Variants in UPB1 observed in about 807,000 individuals in gnomAD.
UPB1 encodes the protein beta-ureidopropionase 1, also known as beta-ureidopropionase.
UPB1 carries 40 observed loss-of-function variants against 49.1 expected under a neutral mutation model. The ratio of observed to expected loss-of-function variants is 0.81; its 90% confidence interval spans 0.63 to 1.06. The LOEUF is 1.06. Among genes scored for constraint, UPB1 ranks in the 50% least tolerant of loss-of-function variants. The pLI is 0.00. For missense variants in UPB1, 499 were observed against 505.9 expected (o/e 0.99, Z 0.13); for synonymous variants, 207 against 198.2 (o/e 1.04, Z -0.38).
At chr22:24,524,731 C>G (rs76531386) in intron 9 of UPB1, among the ~76,000 whole-genome samples, 6,214 of 152,288 alleles carry the variant, frequency 0.041, 284 homozygotes, top group African/African-American at 0.11. Flanking sequence ...TTCAAGCAAT[C>G]CTCGCACCTC....
In UPB1 at chr22:24,524,679, C is replaced by T. The variant is rs111252053; in HGVS notation, c.1071+906C>T. Among the ~76,000 whole-genome samples the T allele has an allele frequency of 4.9e-4, 75 of 152,154 alleles. 1 individual carries two copies. The highest frequency in any genetic ancestry group is 1.7e-3 in the African/African-American group (69 of 41,506). On this transcript the variant is annotated intron_variant, in intron 9 of 9. Coordinates refer to ENST00000326010, the MANE Select transcript of UPB1 (RefSeq NM_016327.3). ...AATTTTTAAAATTTTTTATAGAGAC[C>T]GAGTCTCACTATGTTGCCCAGGCTG...
Position 24,515,247 on chromosome 22 carries a change from C to T in UPB1, c.668C>T (p.Thr223Met), listed in dbSNP as rs746026530. ...AACCTGGGCCACCCCGTGTTCCAGA[C>T]GCAGTTCGGAAGGATCGCGGTGAAC... ...EGNLGHPVFQ[T>M]QFGRIAVNIC... Residue 223 changes from threonine (T) to methionine (M), a missense_variant, in exon 6 of 10, where the codon ACG becomes ATG. Coordinates refer to ENST00000326010, the MANE Select transcript of UPB1 (RefSeq NM_016327.3). The T allele has an allele frequency of 1.5e-5, 25 of 1,614,182 alleles. 1 individual carries two copies. The highest frequency in any genetic ancestry group is 6.6e-5 in the South Asian group (6 of 91,074).
intron 1 of UPB1, among the ~76,000 whole-genome samples, chr22:24,497,614 G>A (rs921326162): frequency 1.3e-5 from 2 of 152,174 alleles, no homozygotes; most frequent in African/African-American, 4.8e-5. Flanking sequence ...GAGTGGGGAG[G>A]CCTCAGTAGC....
chr22:24,496,392 C>CACACACACACAT (rs1261453043), intron 1 of UPB1, among the ~76,000 whole-genome samples: 1 of 141,162 alleles, frequency 7.1e-6, no homozygotes, highest in African/African-American at 2.8e-5. Context: ...CACACACACA[C>CACACACACACAT]ACACACACAC....
intron 6 of UPB1, among the ~76,000 whole-genome samples, chr22:24,517,033 T>C (rs529019122): frequency 8.0e-4 from 122 of 152,312 alleles, no homozygotes; most frequent in African/African-American, 2.9e-3. Context: ...CAAATTTCAG[T>C]TGAATTTCTT....
At chr22:24,519,794 AG>A (rs1568994557) in intron 6 of UPB1, 2 of 158,382 alleles carry the variant, frequency 1.3e-5, no homozygotes, top group South Asian at 3.6e-4. Flanking sequence ...TTGCCTTGCA[AG>A]GCAGCATAGC....
intron 3 of UPB1, among the ~76,000 whole-genome samples, chr22:24,504,319 G>A (rs1039738767): frequency 7.2e-5 from 11 of 152,184 alleles, no homozygotes; most frequent in Admixed American, 1.3e-4. Flanking sequence ...TTGATAGTTT[G>A]GTTGAGCATC....
At chr22:24,519,633 T>C (rs2044353366) in intron 6 of UPB1, among the ~76,000 whole-genome samples, 1 of 152,168 alleles carries the variant, frequency 6.6e-6, no homozygotes, top group Non-Finnish European at 1.5e-5. Flanking sequence ...GAGCCTTTAC[T>C]TAGAGACTCA....
In UPB1 at chr22:24,524,357, GGAGTCA is replaced by G. The variant is rs988747706; in HGVS notation, c.1071+588_1071+593del. 3.2e-4 allele frequency among the ~76,000 whole-genome samples: 48 copies of G among 152,320 alleles called. No homozygotes were observed. In the Middle Eastern group the frequency reaches 0.01, roughly 32 times the overall value. On this transcript the variant is annotated intron_variant, in intron 9 of 9. Transcript: ENST00000326010. ...TGACACCTAATGCCCTGTGATGTCAGGAGTCAGAGGAATGGAGATGTCTGCCCTCCT... is the reference window on the plus strand; with the variant it reads ...TGACACCTAATGCCCTGTGATGTCAGGAGGAATGGAGATGTCTGCCCTCCT...
chr22:24,512,889 T>C (rs1333568488), intron 4 of UPB1, among the ~76,000 whole-genome samples: 1 of 152,248 alleles, frequency 6.6e-6, no homozygotes, highest in Admixed American at 6.5e-5. Context: ...TGATACTCCA[T>C]TGTATGGATG....
chr22:24,500,456 C>T (rs1388652872), intron 2 of UPB1, among the ~76,000 whole-genome samples, 178 bp downstream of exon 2: 2 of 152,262 alleles, frequency 1.3e-5, no homozygotes, highest in African/African-American at 2.4e-5. Context: ...ATCTCTGGCT[C>T]TTCTGTCTTC....
At chr22:24,510,101 G>A (rs1231774379) in intron 3 of UPB1, among the ~76,000 whole-genome samples, 1 of 151,898 alleles carries the variant, frequency 6.6e-6, no homozygotes, top group South Asian at 2.1e-4. Context: ...GCATGGTGGC[G>A]CATACCTGTA....
In UPB1 at chr22:24,527,736, G is replaced by A. The variant is rs543867292; in HGVS notation, c.*1942G>A. 5.3e-5 allele frequency: 8 copies of A among 151,836 alleles called. No homozygotes were observed. Among genetic ancestry groups the A allele is most frequent in the Non-Finnish European group, 1.2e-4 (8 of 68,016 alleles). 9.4% of individuals were successfully genotyped at this position (151,836 alleles called of 1,614,324 possible). A position where few individuals can be genotyped will look rare whatever the true frequency, so the allele number is the denominator to read the frequency against. Reference sequence around the variant, plus strand: ...TGGAGCTGCCTGGCCACAGCTCTGCGGTAACTTCCTTGAACTCTCTGTGCT... The same window carrying A: ...TGGAGCTGCCTGGCCACAGCTCTGCAGTAACTTCCTTGAACTCTCTGTGCT... On this transcript the variant is annotated 3_prime_UTR_variant, in exon 10 of 10. Transcript: ENST00000326010.
At chr22:24,500,669 C>A (rs1471650549) in intron 2 of UPB1, among the ~76,000 whole-genome samples, 1 of 152,256 alleles carries the variant, frequency 6.6e-6, no homozygotes, top group Admixed American at 6.5e-5. Flanking sequence ...GTTCTTCTGC[C>A]TTAATCCTCA....
chr22:24,513,414 A>G lies in UPB1; in HGVS notation c.550A>G (p.Ile184Val). 6.2e-7 allele frequency: 1 copy of G among 1,614,192 alleles called. No individual in the cohort carries two copies. Among genetic ancestry groups the G allele is most frequent in the Non-Finnish European group, 8.5e-7 (1 of 1,180,034 alleles). Residue 184 changes from isoleucine to valine, a missense_variant, in exon 5 of 10, where the codon ATC becomes GTC. Transcript: ENST00000326010. The part of the protein sequence containing the change: ...GDVLWNTAVV[I>V]SNSGAVLGKT... ...TGTTTTGTGGAATACAGCCGTGGTG[A>G]TCTCCAATTCCGGAGCAGTCCTGGG...
intron 7 of UPB1, 37 bp from the exon 8 acceptor site, chr22:24,521,949 A>G (rs781537911): frequency 6.2e-7 from 1 of 1,611,832 alleles, no homozygotes; most frequent in Non-Finnish European, 8.5e-7. Flanking sequence ...TGGTAGTGCC[A>G]CCTATAGGTT....
intron 6 of UPB1, chr22:24,520,036 G>T: frequency 2.7e-6 from 1 of 368,038 alleles, no homozygotes; most frequent in Non-Finnish European, 5.2e-6. Flanking sequence ...CTTCTTTTGA[G>T]GACATTTCAG....
Position 24,526,202 on chromosome 22 carries a change from C to T in UPB1, c.*408C>T. 3.2e-6 allele frequency: 1 copy of T among 316,028 alleles called. No individual in the cohort carries two copies. Among genetic ancestry groups the T allele is most frequent in the Non-Finnish European group, 6.2e-6 (1 of 161,720 alleles). 19.6% of individuals were successfully genotyped at this position (316,028 alleles called of 1,614,324 possible). On this transcript the variant is annotated 3_prime_UTR_variant, in exon 10 of 10. Transcript: ENST00000326010. ...TGATCCAGAGACCCTGAGCCTACAG[C>T]AAGGCTGTGGTGGGTCGGATGGTCT...
In UPB1 at chr22:24,522,748, A is replaced by G. The variant is rs34817009; in HGVS notation, c.916+720A>G. ...GGAGTTTGAGGCCAGCCTGACCAACATGGAGAAACCCAGTCTCTACTAAAA... is the reference window on the plus strand; with the variant it reads ...GGAGTTTGAGGCCAGCCTGACCAACGTGGAGAAACCCAGTCTCTACTAAAA... On this transcript the variant is annotated intron_variant, in intron 8 of 9. Coordinates refer to ENST00000326010, the MANE Select transcript of UPB1 (RefSeq NM_016327.3). 2.3e-3 allele frequency among the ~76,000 whole-genome samples: 344 copies of G among 150,926 alleles called. 1 individual carries two copies. Among genetic ancestry groups the G allele is most frequent in the Non-Finnish European group, 3.6e-3 (243 of 67,664 alleles).
Sources: gnomAD v4.1 joint callset for allele counts (sites outside exome capture counted in the v4.1 genomes callset) on GRCh38, gnomAD v4.1.1 for gene constraint, MANE v1.5 for transcripts, NCBI Gene and HGNC (gene_info 2026-07-23, HGNC 2026-07-21) for gene names.